Variants in CPPED1 observed in about 807,000 individuals in gnomAD.
CPPED1 encodes the protein calcineurin like phosphoesterase domain containing 1.
A neutral mutation model predicts 28.0 loss-of-function variants in CPPED1; 28 were observed. That is an observed-to-expected ratio of 1.00 (90% CI 0.74 to 1.37). CPPED1 has a LOEUF of 1.37. Ranked by LOEUF, CPPED1 falls within the 40% of genes most tolerant of loss-of-function variation. The probability of loss-of-function intolerance (pLI) is 0.00; values close to 1 mark genes in which losing one functional copy is unlikely to be tolerated. For synonymous variants in CPPED1, 198 were observed against 180.2 expected, an observed-to-expected ratio of 1.10 and a Z score of -0.79; for missense variants, 504 against 416.5, an observed-to-expected ratio of 1.21 and a Z score of -1.83.
intron 3 of CPPED1, among the ~76,000 whole-genome samples, chr16:12,691,345 G>A (rs2079961773): frequency 6.6e-6 from 1 of 152,028 alleles, no homozygotes; most frequent in Non-Finnish European, 1.5e-5. Flanking sequence ...GCGTAATCTT[G>A]GCTCACTGCA....
chr16:12,682,068 C>T lies in CPPED1; in HGVS notation c.716-16953G>A, dbSNP rs1013988583. Among the ~76,000 whole-genome samples, 9 of 152,072 alleles carry T rather than the reference C, an allele frequency of 5.9e-5. No individual in the cohort carries two copies. Among genetic ancestry groups the T allele is most frequent in the Admixed American group, 1.3e-4 (2 of 15,272 alleles). ...TACTTTTTTGAGACAGTGTCTCTCT[C>T]GGTCGCCTATGTTGGAGTGCAGTGG... On this transcript the variant is annotated intron_variant, in intron 3 of 3. Transcript: ENST00000381774. The surrounding 1 kb of genome is among the most constrained non-coding windows in gnomAD (Gnocchi z 6.1).
chr16:12,777,766 G>C (rs2080505706), intron 2 of CPPED1, among the ~76,000 whole-genome samples: 1 of 151,756 alleles, frequency 6.6e-6, no homozygotes, highest in Admixed American at 6.6e-5. Context: ...TACATCCATA[G>C]CATCTAACAC....
chr16:12,795,629 T>C (rs8054984), intron 1 of CPPED1, among the ~76,000 whole-genome samples: 42,860 of 152,042 alleles, frequency 0.28, 8,063 homozygotes, highest in African/African-American at 0.54. Flanking sequence ...CGTGAGCCAC[T>C]GTACCCAGCC....
At chr16:12,668,283 A>G (rs2079836213) in intron 3 of CPPED1, among the ~76,000 whole-genome samples, 4 of 152,216 alleles carry the variant, frequency 2.6e-5, no homozygotes, top group Admixed American at 2.6e-4. Flanking sequence ...TGAATTAACT[A>G]TTGATTTTTT....
At chr16:12,766,315 G>C in intron 2 of CPPED1, among the ~76,000 whole-genome samples, 1 of 149,826 alleles carries the variant, frequency 6.7e-6, no homozygotes, top group Admixed American at 6.6e-5. Context: ...AGAGAGCTGG[G>C]TATTGTATTA....
At chr16:12,747,070 TTA>T (rs896872017) in intron 2 of CPPED1, among the ~76,000 whole-genome samples, 20 of 139,130 alleles carry the variant, frequency 1.4e-4, no homozygotes, top group African/African-American at 4.9e-4. Context: ...AAAAAAAAAA[TTA>T]AAAAAAAAAA....
chr16:12,714,086 T>C (rs1217393561), intron 2 of CPPED1, among the ~76,000 whole-genome samples: 29 of 152,222 alleles, frequency 1.9e-4, no homozygotes. Context: ...TCAAGGTTCA[T>C]CTATTTTGTA....
At chr16:12,688,267 T>C (rs2141176500) in intron 3 of CPPED1, among the ~76,000 whole-genome samples, 1 of 151,632 alleles carries the variant, frequency 6.6e-6, no homozygotes, top group East Asian at 1.9e-4. Flanking sequence ...ACATGTGACT[T>C]ATGGGGAGAG....
At chr16:12,772,893 T>G (rs370022784) in intron 2 of CPPED1, among the ~76,000 whole-genome samples, 17 of 152,322 alleles carry the variant, frequency 1.1e-4, no homozygotes, top group African/African-American at 4.1e-4. Flanking sequence ...TACTTCAAGC[T>G]GGGACTCGGG....
chr16:12,759,738 C>T (rs1458197152), intron 2 of CPPED1, among the ~76,000 whole-genome samples: 1 of 152,194 alleles, frequency 6.6e-6, no homozygotes, highest in Non-Finnish European at 1.5e-5. Flanking sequence ...TGGGCAGTTG[C>T]CCCTTGTGCT....
chr16:12,667,695 A>C (rs1034400261), intron 3 of CPPED1, among the ~76,000 whole-genome samples: 12 of 152,196 alleles, frequency 7.9e-5, no homozygotes, highest in Non-Finnish European at 1.3e-4. Flanking sequence ...CAATACAGAG[A>C]CCCAGACACA....
At chr16:12,737,171 G>A (rs577950691) in intron 2 of CPPED1, among the ~76,000 whole-genome samples, 23 of 152,176 alleles carry the variant, frequency 1.5e-4, no homozygotes, top group African/African-American at 3.9e-4. Flanking sequence ...GTCTGGGCGA[G>A]AGAGTGAGAC....
intron 3 of CPPED1, among the ~76,000 whole-genome samples, chr16:12,697,181 C>T (rs1023625182): frequency 4.6e-5 from 7 of 151,896 alleles, no homozygotes; most frequent in African/African-American, 7.3e-5. Context: ...TGTGCCATCA[C>T]GCTTGGCTAA....
chr16:12,778,092 T>C (rs2080508440), intron 2 of CPPED1, among the ~76,000 whole-genome samples: 1 of 151,646 alleles, frequency 6.6e-6, no homozygotes, highest in African/African-American at 2.4e-5. Context: ...GTATTTTTAG[T>C]AGTGATGGGG....
At chr16:12,769,406 C>A (rs2080457358) in intron 2 of CPPED1, among the ~76,000 whole-genome samples, 1 of 152,056 alleles carries the variant, frequency 6.6e-6, no homozygotes. Context: ...ATCCGAGGCA[C>A]AAAATGGGTT....
intron 2 of CPPED1, among the ~76,000 whole-genome samples, chr16:12,730,482 A>C (rs2080191667): frequency 6.6e-6 from 1 of 152,198 alleles, no homozygotes; most frequent in African/African-American, 2.4e-5. Flanking sequence ...ATTAAAAGAT[A>C]GGAACCAGAA....
rs551840659 is a variant in CPPED1, at chr16:12,722,845, G to A, written c.290-17796C>T. On this transcript the variant is annotated intron_variant, in intron 2 of 3. Coordinates refer to ENST00000381774, the MANE Select transcript of CPPED1 (RefSeq NM_018340.3). ...CCCACGGACCCCAAGGCTGGGTGGT[G>A]CAGTAAGATGCAGGCTCCAGTGTAT... Among the ~76,000 whole-genome samples the A allele has an allele frequency of 3.3e-5, 5 of 152,312 alleles. No homozygotes were observed. In the South Asian group the frequency reaches 8.3e-4, roughly 25 times the overall value.
chr16:12,731,876 T>C (rs1057290129), intron 2 of CPPED1, among the ~76,000 whole-genome samples: 2 of 151,350 alleles, frequency 1.3e-5, no homozygotes, highest in African/African-American at 4.9e-5. Context: ...AAAAAACCAT[T>C]AGCAGGCTGG....
chr16:12,694,685 G>T (rs550350840), intron 3 of CPPED1, among the ~76,000 whole-genome samples: 1 of 125,130 alleles, frequency 8.0e-6, no homozygotes, highest in Non-Finnish European at 1.6e-5. Context: ...TCCTCTAGCT[G>T]ATAAGGTCCC....
Sources: gnomAD v4.1 joint callset for allele counts (sites outside exome capture counted in the v4.1 genomes callset) on GRCh38, gnomAD v4.1.1 for gene constraint, Gnocchi (gnomAD v3.1) non-coding constraint, MANE v1.5 for transcripts, NCBI Gene and HGNC (gene_info 2026-07-23, HGNC 2026-07-21) for gene names.